NMD3: variants seen among roughly 807,000 people sequenced by gnomAD.
NMD3 encodes the protein 60S ribosomal export protein NMD3.
Under a neutral mutation model 73.1 loss-of-function variants are expected in NMD3, and 47 were observed. The ratio of observed to expected loss-of-function variants is 0.64; its 90% CI spans 0.51 to 0.82. The LOEUF (loss-of-function observed/expected upper bound fraction) is 0.82, where lower values mean the gene tolerates loss of function less well. NMD3 is among the 40% of genes least tolerant of loss of function. NMD3 has a pLI of 0.00. For synonymous variants in NMD3, 210 were observed against 194.5 expected, an observed-to-expected ratio of 1.08 and a Z score of -0.66; for missense variants, 554 against 612.5, an observed-to-expected ratio of 0.90 and a Z score of 1.01.
chr3:161,243,021 C>T (rs554816855), intron 11 of NMD3, among the ~76,000 whole-genome samples: 1 of 152,210 alleles, frequency 6.6e-6, no homozygotes, highest in Non-Finnish European at 1.5e-5. Context: ...GTGTGCATCT[C>T]TCACACACAG....
Position 161,227,166 on chromosome 3 carries a change from G to C in NMD3, c.180-81G>C. The C allele has an allele frequency of 4.1e-6, 3 of 734,440 alleles. No homozygotes were observed. In the South Asian group the frequency reaches 5.0e-5, roughly 12 times the overall value. The allele number at this position is 734,440 out of a possible 1,614,324, so 45.5% of individuals were successfully genotyped here. On this transcript the variant is annotated intron_variant, in intron 3 of 15. Transcript: ENST00000351193. ...TTTTATTATGCCTGGTTAATAATTT[G>C]GGTTATATCTGTGTATTCAGATGGA...
At chr3:161,228,406 G>T (rs529797585) in intron 4 of NMD3, among the ~76,000 whole-genome samples, 1 of 151,436 alleles carries the variant, frequency 6.6e-6, no homozygotes, top group African/African-American at 2.4e-5. Flanking sequence ...CTCTGTTCTT[G>T]GTGATTTTTA....
intron 4 of NMD3, among the ~76,000 whole-genome samples, chr3:161,228,071 A>G (rs1210448531): frequency 6.6e-6 from 1 of 152,092 alleles, no homozygotes; most frequent in Admixed American, 6.5e-5. Context: ...ATTAAAAAAA[A>G]TAGTTTGTTT....
At chr3:161,229,097 T>C (rs1736438929) in intron 4 of NMD3, among the ~76,000 whole-genome samples, 1 of 150,626 alleles carries the variant, frequency 6.6e-6, no homozygotes, top group Non-Finnish European at 1.5e-5. Flanking sequence ...TAGAACGGAG[T>C]GGTGAGGGGA....
Position 161,221,333 on chromosome 3 carries a change from T to G in NMD3, c.-97T>G, listed in dbSNP as rs1736063734. The G allele has an allele frequency of 6.6e-6, 1 of 152,322 alleles. No individual in the cohort carries two copies. The highest frequency in any genetic ancestry group is 2.4e-5 in the African/African-American group (1 of 41,444). 9.4% of individuals were successfully genotyped at this position (152,322 alleles called of 1,614,324 possible). A position where few individuals can be genotyped will look rare whatever the true frequency, so the allele number is the denominator to read the frequency against. On this transcript the variant is annotated 5_prime_UTR_variant, in exon 1 of 16. Coordinates refer to ENST00000351193, the MANE Select transcript of NMD3 (RefSeq NM_015938.5). ...CTTCTCTGTGGCGGAGACAGCCAGGTTGGCAGCTGACGGGACAGCCGGGGT... is the reference window on the plus strand; with the variant it reads ...CTTCTCTGTGGCGGAGACAGCCAGGGTGGCAGCTGACGGGACAGCCGGGGT...
intron 7 of NMD3, among the ~76,000 whole-genome samples, chr3:161,235,811 A>T (rs1407434975): frequency 6.6e-6 from 1 of 152,100 alleles, no homozygotes; most frequent in Non-Finnish European, 1.5e-5. Context: ...GATTCTTGGT[A>T]TAAAATTGAA....
At chr3:161,243,120 A>G (rs1053793239) in intron 11 of NMD3, among the ~76,000 whole-genome samples, 4 of 152,174 alleles carry the variant, frequency 2.6e-5, no homozygotes, top group Admixed American at 1.3e-4. Flanking sequence ...ATGGGGATAC[A>G]TTCCAAGACC....
In NMD3 at chr3:161,224,968, C is replaced by T. The variant is rs751719697; in HGVS notation, c.83C>T (p.Pro28Leu). 1.2e-6 allele frequency: 2 copies of T among 1,613,460 alleles called. No individual in the cohort carries two copies. The highest frequency in any genetic ancestry group is 1.7e-6 in the Non-Finnish European group (2 of 1,179,842). Residue 28 changes from proline (P) to leucine (L), a missense_variant, in exon 3 of 16, where the codon CCT (proline) becomes CTT (leucine). Transcript: ENST00000351193. ...CECGVPISPN[P>L]ANICVACLRS... The stretch of plus-strand genomic sequence containing the variant: ...TGTGGTGTTCCGATAAGTCCAAATC[C>T]TGCCAATATTTGTGTGGCCTGTTTG...
chr3:161,228,794 C>T (rs1736426379), intron 4 of NMD3, among the ~76,000 whole-genome samples: 1 of 152,044 alleles, frequency 6.6e-6, no homozygotes, highest in Admixed American at 6.5e-5. Context: ...CACTAACATG[C>T]CAGTGTGGAG....
Position 161,251,058 on chromosome 3 carries a change from A to G in NMD3, c.*148A>G, listed in dbSNP as rs566152544. The G allele has an allele frequency of 6.8e-5, 36 of 532,468 alleles. No homozygotes were observed. The South Asian group carries it at 1.1e-3, about 16-fold the overall frequency. The allele number at this position is 532,468 out of a possible 1,614,324, so 33.0% of individuals were successfully genotyped here. On this transcript the variant is annotated 3_prime_UTR_variant, in exon 16 of 16. Transcript: ENST00000351193. ...CATGTTTGTTTTCAGTGCTCACTCA[A>G]ACCACTAAAACAGATGGATAGCTTT...
At position 161,250,303 on chromosome 3, in the gene NMD3, GA is replaced by G. The variant is rs1207573091; in HGVS notation, c.1364del (p.Asn455MetfsTer48). ...LEDLEEDEAI[R>X]KNVNIYRDSA... ...GATCTTGAAGAAGATGAGGCAATTC[GA>G]AAAAATGTCAACATTTACAGAGGTT... On this transcript the variant is annotated frameshift_variant, in exon 15 of 16. Coordinates refer to ENST00000351193, the MANE Select transcript of NMD3 (RefSeq NM_015938.5). LOFTEE classifies it high-confidence loss of function. 2 of 1,603,100 alleles carry G rather than the reference GA, an allele frequency of 1.2e-6. No homozygotes were observed. Among genetic ancestry groups the G allele is most frequent in the Non-Finnish European group, 1.7e-6 (2 of 1,170,964 alleles).
chr3:161,221,999 A>G lies in NMD3; in HGVS notation c.-15A>G. On this transcript the variant is annotated 5_prime_UTR_variant, in exon 2 of 16. Transcript: ENST00000351193. ...TTTTTTTTTTTTTTTAAAAGAACTT[A>G]AGGCATACAGAACGATGGAGTATAT... 2 of 1,311,336 alleles carry G rather than the reference A, an allele frequency of 1.5e-6. No individual in the cohort carries two copies. The highest frequency in any genetic ancestry group is 2.1e-6 in the Non-Finnish European group (2 of 940,762). 81.2% of individuals were successfully genotyped at this position (1,311,336 alleles called of 1,614,324 possible).
chr3:161,228,411 T>G (rs549838518), intron 4 of NMD3, among the ~76,000 whole-genome samples: 2 of 152,282 alleles, frequency 1.3e-5, no homozygotes, highest in Non-Finnish European at 2.9e-5. Context: ...TTCTTGGTGA[T>G]TTTTACTTTA....
Position 161,250,767 on chromosome 3 carries a change from T to G in NMD3, c.1382-13T>G. 6.4e-7 allele frequency: 1 copy of G among 1,566,098 alleles called. No individual in the cohort carries two copies. Among genetic ancestry groups the G allele is most frequent in the South Asian group, 1.1e-5 (1 of 89,218 alleles). ...TACTTTGTATTTATTTTATTCTCTTTGTATTTTTTTAGATTCAGCCATCCC... is the reference window on the plus strand; with the variant it reads ...TACTTTGTATTTATTTTATTCTCTTGGTATTTTTTTAGATTCAGCCATCCC... On this transcript the variant is annotated splice_polypyrimidine_tract_variant and intron_variant, in intron 15 of 15. Coordinates refer to ENST00000351193, the MANE Select transcript of NMD3 (RefSeq NM_015938.5).
chr3:161,250,815 G>A lies in NMD3; in HGVS notation c.1417G>A (p.Glu473Lys). ...AIPVESDTDD[E>K]GAPRISLAEM... ...CCCTGTGGAAAGTGACACCGATGAT[G>A]AAGGAGCACCTCGAATTAGTCTGGC... The change falls in exon 16 of 16, where the codon GAA becomes AAA. Residue 473 changes from glutamate (E) to lysine (K), a missense_variant. By Grantham distance (56) the Glu-to-Lys change is moderately conservative (BLOSUM62 1). Coordinates refer to ENST00000351193, the MANE Select transcript of NMD3 (RefSeq NM_015938.5). 1 of 1,611,372 alleles carries A rather than the reference G, an allele frequency of 6.2e-7. No individual in the cohort carries two copies. Among genetic ancestry groups the A allele is most frequent in the Non-Finnish European group, 8.5e-7 (1 of 1,177,846 alleles).
At chr3:161,250,351 T>G in intron 15 of NMD3, 25 bp downstream of exon 15, 7 of 1,402,842 alleles carry the variant, frequency 5.0e-6, no homozygotes, top group Non-Finnish European at 7.1e-6. Flanking sequence ...AGTGTTTAAG[T>G]CATTTGTTCT....
chr3:161,230,995 T>C (rs1736521620), intron 4 of NMD3, among the ~76,000 whole-genome samples: 1 of 152,190 alleles, frequency 6.6e-6, no homozygotes, highest in Non-Finnish European at 1.5e-5. Context: ...GTTACAAGTT[T>C]AGACTAGTCA....
intron 2 of NMD3, 34 bp downstream of exon 2, chr3:161,222,091 G>C: frequency 1.3e-6 from 2 of 1,571,692 alleles, no homozygotes; most frequent in Middle Eastern, 3.4e-4. Flanking sequence ...CCCCTTAAAT[G>C]TGAAAATCTT....
At chr3:161,253,009 A>G, downstream of NMD3, 1 of 321,888 alleles carries the variant, frequency 3.1e-6, no homozygotes, top group Non-Finnish European at 5.8e-6. Context: ...AGGCAGGAGA[A>G]TCACTTGAAC....
Sources: gnomAD v4.1 joint callset for allele counts (sites outside exome capture counted in the v4.1 genomes callset) on GRCh38, gnomAD v4.1.1 for gene constraint, MANE v1.5 for transcripts, NCBI Gene and HGNC (gene_info 2026-07-23, HGNC 2026-07-21) for gene names.